Variants in GLIS3 observed in about 807,000 individuals in gnomAD.
GLIS3 encodes the protein zinc finger protein GLIS3.
GLIS3 carries 53 observed loss-of-function variants against 78.6 expected under a neutral mutation model. That is an observed-to-expected ratio of 0.67 (90% CI 0.54 to 0.85). The LOEUF is 0.85. Among genes scored for constraint, GLIS3 ranks in the 40% least tolerant of loss-of-function variants. The probability of loss-of-function intolerance (pLI) is 0.00; values close to 1 mark genes in which losing one functional copy is unlikely to be tolerated. For synonymous variants in GLIS3, 684 were observed against 509.9 expected (o/e 1.34, Z -4.60); for missense variants, 1,703 against 1,231.1 (o/e 1.38, Z -5.74).
chr9:4,108,708 C>G (rs1044764991), intron 4 of GLIS3, among the ~76,000 whole-genome samples: 11 of 152,288 alleles, frequency 7.2e-5, no homozygotes, highest in African/African-American at 2.6e-4. Context: ...AATGAAACCA[C>G]TTTCAAACAA....
At chr9:3,992,041 A>G (rs1820354571) in intron 4 of GLIS3, among the ~76,000 whole-genome samples, 1 of 152,164 alleles carries the variant, frequency 6.6e-6, no homozygotes, top group African/African-American at 2.4e-5. Flanking sequence ...AATTACTTTT[A>G]GACAAACTGA....
chr9:4,036,990 C>G (rs1824368208), intron 4 of GLIS3, among the ~76,000 whole-genome samples: 1 of 152,122 alleles, frequency 6.6e-6, no homozygotes, highest in African/African-American at 2.4e-5. Flanking sequence ...GAAAGAGAGC[C>G]AGAGCTGAAG....
upstream of GLIS3, among the ~76,000 whole-genome samples, chr9:4,300,238 A>G (rs544861575): frequency 4.3e-3 from 653 of 151,224 alleles, 3 homozygotes; most frequent in African/African-American, 0.015. Flanking sequence ...ACACACACAC[A>G]CACACACACT....
chr9:3,863,236 A>G (rs954637172), intron 8 of GLIS3, among the ~76,000 whole-genome samples: 2 of 152,232 alleles, frequency 1.3e-5, no homozygotes, highest in African/African-American at 2.4e-5. Context: ...TGACTATAGT[A>G]TCTACTTATA....
rs141714294 is a variant in GLIS3, at chr9:4,054,722, T to C, written c.1710+63046A>G. Among the ~76,000 whole-genome samples, 653 of 152,290 alleles carry C rather than the reference T, an allele frequency of 4.3e-3. 8 individuals are homozygous for C. The highest frequency in any genetic ancestry group is 0.015 in the African/African-American group (620 of 41,562). ...CATTGCTGTTGGTCAAACTAGAACA[T>C]TTTGAATCCAGAGTGGATTTTTTTT... On this transcript the variant is annotated intron_variant, in intron 4 of 10. Coordinates refer to ENST00000381971, the MANE Select transcript of GLIS3 (RefSeq NM_001042413.2).
chr9:4,429,118 A>G, the GLIS3 span, among the ~76,000 whole-genome samples: 78 of 152,280 alleles, frequency 5.1e-4, no homozygotes, highest in Non-Finnish European at 9.7e-4. Context: ...TGGCAGTTCC[A>G]TAGCATTCAA....
the GLIS3 span, among the ~76,000 whole-genome samples, chr9:4,412,529 T>C: frequency 6.6e-6 from 1 of 152,188 alleles, no homozygotes; most frequent in Non-Finnish European, 1.5e-5. Flanking sequence ...ATTCCCCTGC[T>C]AGACTTAGGG....
the GLIS3 span, among the ~76,000 whole-genome samples, chr9:4,479,361 C>T: frequency 6.6e-6 from 1 of 152,202 alleles, no homozygotes; most frequent in African/African-American, 2.4e-5. Context: ...CTGCTTGCAA[C>T]ATTCCCTGTG....
At chr9:4,214,302 A>G (rs7866318) in intron 2 of GLIS3, among the ~76,000 whole-genome samples, 56,950 of 152,152 alleles carry the variant, frequency 0.37, 10,889 homozygotes, top group Non-Finnish European at 0.42. Context: ...AAAGCTATCA[A>G]TGTGTCAAAC....
chr9:4,200,514 G>T (rs934049272), intron 2 of GLIS3, among the ~76,000 whole-genome samples: 3 of 152,082 alleles, frequency 2.0e-5, no homozygotes, highest in Non-Finnish European at 2.9e-5. Context: ...GATCTTCAGA[G>T]ACTATTATGA....
chr9:3,974,437 T>C (rs1818616848), intron 4 of GLIS3, among the ~76,000 whole-genome samples: 1 of 152,166 alleles, frequency 6.6e-6, no homozygotes, highest in Non-Finnish European at 1.5e-5. Flanking sequence ...GTAAGTTCCA[T>C]AAAGAAACTC....
At chr9:3,948,642 A>G (rs1407394606) in intron 4 of GLIS3, among the ~76,000 whole-genome samples, 1 of 152,198 alleles carries the variant, frequency 6.6e-6, no homozygotes, top group African/African-American at 2.4e-5. Context: ...AAAAGTATAA[A>G]GTCTAGGGTA....
chr9:4,367,473 T>C, the GLIS3 span, among the ~76,000 whole-genome samples: 4,104 of 151,978 alleles, frequency 0.027, 74 homozygotes, highest in South Asian at 0.098. Flanking sequence ...TGAATTTCCT[T>C]AGCTAACCAC....
the GLIS3 span, among the ~76,000 whole-genome samples, chr9:4,384,029 T>A: frequency 3.3e-5 from 5 of 152,204 alleles, no homozygotes; most frequent in African/African-American, 1.2e-4. Context: ...TGGCTGCCAA[T>A]CAGTCATGTC....
chr9:4,312,159 G>GT (rs149211539), intron 2 of GLIS3, among the ~76,000 whole-genome samples: 2 of 152,002 alleles, frequency 1.3e-5, no homozygotes, highest in African/African-American at 4.8e-5. Context: ...TTTTGTTTTT[G>GT]TTTTTTTAAA....
At chr9:4,228,515 T>C (rs12237983) in intron 2 of GLIS3, among the ~76,000 whole-genome samples, 10,769 of 152,266 alleles carry the variant, frequency 0.071, 537 homozygotes, top group East Asian at 0.23. Context: ...TTCATCATTA[T>C]AAAATCTCAT....
chr9:4,015,582 C>T (rs1822363653), intron 4 of GLIS3, among the ~76,000 whole-genome samples: 1 of 152,098 alleles, frequency 6.6e-6, no homozygotes, highest in Non-Finnish European at 1.5e-5. Flanking sequence ...AAAAGAAGTT[C>T]AACAACAATA....
intron 4 of GLIS3, among the ~76,000 whole-genome samples, chr9:4,042,466 A>T (rs1403331804): frequency 6.6e-6 from 1 of 152,206 alleles, no homozygotes; most frequent in South Asian, 2.1e-4. Flanking sequence ...TGTTCCAAAG[A>T]GGCCAACACT....
At chr9:4,205,073 G>C (rs1424439467) in intron 2 of GLIS3, among the ~76,000 whole-genome samples, 1 of 151,850 alleles carries the variant, frequency 6.6e-6, no homozygotes, top group Non-Finnish European at 1.5e-5. Flanking sequence ...CTACTTGGGA[G>C]GCTGAGGCAG....
Sources: allele counts gnomAD v4.1 joint callset (sites outside exome capture counted in the v4.1 genomes callset), GRCh38; gene constraint gnomAD v4.1.1; transcripts MANE v1.5; gene names NCBI Gene and HGNC (gene_info 2026-07-23, HGNC 2026-07-21).